The following CRNKL1 variants were observed in gnomAD, a reference collection of about 807,000 sequenced individuals.
The protein encoded by CRNKL1 is crooked neck-like protein 1.
CRNKL1 carries 35 observed loss-of-function variants against 103.7 expected under a neutral mutation model. The observed-to-expected ratio is 0.34, with a 90% CI of 0.26 to 0.45. The LOEUF (loss-of-function observed/expected upper bound fraction) is 0.45. Ranked by LOEUF, CRNKL1 falls within the 20% of genes least tolerant of loss-of-function variation. The pLI is 1.00. For missense variants in CRNKL1, 645 were observed against 836.0 expected, an observed-to-expected ratio of 0.77 and a Z score of 2.82; for synonymous variants, 267 against 282.6, an observed-to-expected ratio of 0.94 and a Z score of 0.55.
At chr20:20,046,911 G>A (rs2146498289) in intron 5 of CRNKL1, among the ~76,000 whole-genome samples, 1 of 152,318 alleles carries the variant, frequency 6.6e-6, no homozygotes, top group East Asian at 1.9e-4. Flanking sequence ...TAGCAAATAC[G>A]TGATTTTGCA....
intron 7 of CRNKL1, among the ~76,000 whole-genome samples, chr20:20,042,964 C>T (rs1235639581): frequency 1.3e-5 from 2 of 152,134 alleles, no homozygotes; most frequent in African/African-American, 2.4e-5. Flanking sequence ...TAGTCCTTTG[C>T]TTGGAGGTAT....
At chr20:20,052,564 A>C (rs762409299), upstream of CRNKL1, 12 of 1,613,816 alleles carry the variant, frequency 7.4e-6, no homozygotes, top group Non-Finnish European at 8.5e-6. Context: ...CAGCGCGTGG[A>C]GTGCGGCGTC....
At chr20:20,050,149 G>C (rs900806528) in intron 2 of CRNKL1, among the ~76,000 whole-genome samples, 3 of 152,216 alleles carry the variant, frequency 2.0e-5, no homozygotes, top group African/African-American at 7.2e-5. Flanking sequence ...AGGTGGTATA[G>C]ACAGAAGTAC....
intron 6 of CRNKL1, among the ~76,000 whole-genome samples, chr20:20,044,141 A>G (rs986112227): frequency 6.6e-6 from 1 of 152,058 alleles, no homozygotes; most frequent in African/African-American, 2.4e-5. Context: ...CCAGCCATCA[A>G]ACTCCACTGT....
intron 13 of CRNKL1, among the ~76,000 whole-genome samples, chr20:20,036,765 T>C (rs1238876099): frequency 6.6e-6 from 1 of 152,256 alleles, no homozygotes; most frequent in Non-Finnish European, 1.5e-5. Context: ...TATCAGTCAC[T>C]GATTTCACTT....
At chr20:20,048,683 T>C (rs1223065996) in intron 3 of CRNKL1, among the ~76,000 whole-genome samples, 182 bp from the exon 4 acceptor site, 2 of 152,220 alleles carry the variant, frequency 1.3e-5, no homozygotes, top group South Asian at 2.1e-4. Flanking sequence ...TAAAAAGACA[T>C]GCATGCAATT....
chr20:20,040,468 G>A (rs1369132128), intron 10 of CRNKL1, among the ~76,000 whole-genome samples: 1 of 152,128 alleles, frequency 6.6e-6, no homozygotes, highest in Non-Finnish European at 1.5e-5. Context: ...TTCCAATATT[G>A]AAACAGAATG....
intron 1 of CRNKL1, among the ~76,000 whole-genome samples, chr20:20,050,955 T>C (rs1049779607): frequency 6.6e-6 from 1 of 152,254 alleles, no homozygotes; most frequent in Admixed American, 6.5e-5. Context: ...TTTATCAAAA[T>C]GTGTAGCACA....
chr20:20,049,469 T>C (rs770197027), intron 2 of CRNKL1, 38 bp from the exon 3 acceptor site: 2 of 999,860 alleles, frequency 2.0e-6, no homozygotes, highest in Admixed American at 2.1e-5. Flanking sequence ...AAAAGACAAA[T>C]GACTAAAAAT....
rs1207492447 is a variant in CRNKL1, at chr20:20,050,434, A to G, written c.204+36T>C. 2.5e-6 allele frequency: 4 copies of G among 1,594,880 alleles called. No individual in the cohort carries two copies. The Admixed American group carries it at 6.8e-5, about 27-fold the overall frequency. Reference sequence around the variant, plus strand: ...TTTCAAACTGACCGATACAGTCTTAACAATTAGTGGACTGAAAGATACCAC... The same window carrying G: ...TTTCAAACTGACCGATACAGTCTTAGCAATTAGTGGACTGAAAGATACCAC... On this transcript the variant is annotated intron_variant, in intron 2 of 13. Coordinates refer to ENST00000536226, the MANE Select transcript of CRNKL1 (RefSeq NM_001278628.2).
chr20:20,042,645 G>T, intron 7 of CRNKL1, 129 bp from the exon 8 acceptor site: 1 of 793,088 alleles, frequency 1.3e-6, no homozygotes, highest in African/African-American at 1.8e-5. Flanking sequence ...AATGTTACAT[G>T]TTCTTTCATT....
At position 20,037,425 on chromosome 20, in the gene CRNKL1, T is replaced by A; in HGVS notation, c.1794A>T (p.Arg598=). ...EERLMLLESW[R]SFEEEFGTAS... ...CTGTTCCAAATTCTTCTTCAAAACTTCGCCAAGATTCCAGCAGCATAAGTC... is the reference window on the plus strand; with the variant it reads ...CTGTTCCAAATTCTTCTTCAAAACTACGCCAAGATTCCAGCAGCATAAGTC... The change falls in exon 13 of 14, where the codon CGA becomes CGT. Residue 598 remains arginine, a synonymous_variant. Transcript: ENST00000536226. 3.0e-5 allele frequency: 48 copies of A among 1,614,188 alleles called. No individual in the cohort carries two copies. The highest frequency in any genetic ancestry group is 4.1e-5 in the Non-Finnish European group (48 of 1,180,040).
At chr20:20,052,537 G>C, upstream of CRNKL1, 1 of 1,614,230 alleles carries the variant, frequency 6.2e-7, no homozygotes, top group South Asian at 1.1e-5. Context: ...TGACCAGGCT[G>C]CGCGTCCTCC....
Position 20,034,480 on chromosome 20 carries a change from G to A in CRNKL1, c.*1715C>T, listed in dbSNP as rs1457800149. ...CTTTTTTCCTTCCAGCTTTCACACT[G>A]GCACATGCTTATTACAATTCTACCT... On this transcript the variant is annotated 3_prime_UTR_variant, in exon 14 of 14. Transcript: ENST00000536226. The A allele has an allele frequency of 6.6e-6, 1 of 152,142 alleles. No individual in the cohort carries two copies. Among genetic ancestry groups the A allele is most frequent in the Non-Finnish European group, 1.5e-5 (1 of 68,014 alleles). 9.4% of individuals were successfully genotyped at this position (152,142 alleles called of 1,614,324 possible). A position where few individuals can be genotyped will look rare whatever the true frequency, so the allele number is the denominator to read the frequency against.
rs2146475720 is a variant in CRNKL1 at position 20,034,757 on chromosome 20, T to TATC, written c.*1435_*1437dup. ...AAGCAGTCAGGCTGAAAACAGATTTTATCTCAACAACAGTCCTAGTTTCTT... is the reference window on the plus strand; with the variant it reads ...AAGCAGTCAGGCTGAAAACAGATTTTATCATCTCAACAACAGTCCTAGTTTCTT... On this transcript the variant is annotated 3_prime_UTR_variant, in exon 14 of 14. Transcript: ENST00000536226. The TATC allele has an allele frequency of 6.6e-6, 1 of 152,366 alleles. No homozygotes were observed. Among genetic ancestry groups the TATC allele is most frequent in the East Asian group, 1.9e-4 (1 of 5,186 alleles). The allele number at this position is 152,366 out of a possible 1,614,324, so 9.4% of individuals were successfully genotyped here.
upstream of CRNKL1, among the ~76,000 whole-genome samples, chr20:20,053,474 G>C (rs776403792): frequency 1.3e-5 from 2 of 152,132 alleles, no homozygotes. Flanking sequence ...TTCACTCTTG[G>C]TGTACATTCT....
Position 20,047,921 on chromosome 20 carries a change from T to G in CRNKL1, c.466A>C (p.Thr156Pro). The G allele has an allele frequency of 6.2e-7, 1 of 1,613,814 alleles. No individual in the cohort carries two copies. The highest frequency in any genetic ancestry group is 8.5e-7 in the Non-Finnish European group (1 of 1,179,688). Residue 156 changes from threonine to proline, a missense_variant, in exon 5 of 14, where the codon ACG becomes CCG. Around this residue, in one of 2 missense-constraint regions of CRNKL1, gnomAD observed 582 missense variants for 707.7 expected, o/e 0.82. Transcript: ENST00000536226. ...PRVNQFWYKY[T>P]YMEEMLGNVA... ...TTTCCCAACATTTCCTCCATGTACG[T>G]GTACTTGTACCTGTAACAAAATCAC...
In CRNKL1 at chr20:20,045,992, T is replaced by C. The variant is rs549362250; in HGVS notation, c.623-506A>G. ...ACCAATTATATTAAAATATGAATAC[T>C]TGAACTAATAATTAAGAAAAAAACA... On this transcript the variant is annotated intron_variant, in intron 5 of 13. Transcript: ENST00000536226. Among the ~76,000 whole-genome samples the C allele has an allele frequency of 4.6e-5, 7 of 152,240 alleles. No homozygotes were observed. The South Asian group carries it at 1.2e-3, about 27-fold the overall frequency.
intron 11 of CRNKL1, chr20:20,038,674 T>C (rs1465021003): frequency 2.3e-5 from 9 of 393,750 alleles, no homozygotes; most frequent in East Asian, 4.4e-5. Context: ...GATTCAGTCT[T>C]AGAGATTCTC....
Sources: allele counts gnomAD v4.1 joint callset (sites outside exome capture counted in the v4.1 genomes callset), GRCh38; gene constraint gnomAD v4.1.1; regional missense constraint gnomAD v4.1.1; transcripts MANE v1.5; gene names NCBI Gene and HGNC (gene_info 2026-07-23, HGNC 2026-07-21).